GSG1L: variants seen among roughly 807,000 people sequenced by gnomAD.
The protein encoded by GSG1L is GSG1 like.
Under a neutral mutation model 42.1 loss-of-function variants are expected in GSG1L, and 24 were observed. The observed-to-expected ratio is 0.57, with a 90% CI of 0.41 to 0.80. GSG1L has a LOEUF of 0.80. GSG1L is among the 30% of genes least tolerant of loss of function. The pLI is 0.00. For synonymous variants in GSG1L, 215 were observed against 203.5 expected, an observed-to-expected ratio of 1.06 and a Z score of -0.48; for missense variants, 445 against 472.2, an observed-to-expected ratio of 0.94 and a Z score of 0.53.
At chr16:27,881,787 T>G (rs2083959003) in intron 3 of GSG1L, among the ~76,000 whole-genome samples, 1 of 152,100 alleles carries the variant, frequency 6.6e-6, no homozygotes, top group Non-Finnish European at 1.5e-5. Flanking sequence ...CTTGACTCTA[T>G]TTTCCCCTAA....
At chr16:27,986,361 G>A (rs972125217) in intron 1 of GSG1L, among the ~76,000 whole-genome samples, 3 of 151,996 alleles carry the variant, frequency 2.0e-5, no homozygotes, top group South Asian at 2.1e-4. Flanking sequence ...TTAGCTGGAC[G>A]TGGTGGTGTG....
At chr16:27,869,392 CT>C (rs916861175) in intron 3 of GSG1L, among the ~76,000 whole-genome samples, 2 of 151,560 alleles carry the variant, frequency 1.3e-5, no homozygotes, top group Non-Finnish European at 2.9e-5. Context: ...TGTTTGCTCC[CT>C]GTGTCTCTCT....
intron 2 of GSG1L, among the ~76,000 whole-genome samples, chr16:27,908,305 C>T (rs1441506325): frequency 1.3e-5 from 2 of 152,230 alleles, no homozygotes; most frequent in South Asian, 2.1e-4. Context: ...GCAAAACCAT[C>T]GAGCTGATCA....
chr16:28,062,620 G>C (rs980616083), intron 1 of GSG1L, among the ~76,000 whole-genome samples: 1 of 152,194 alleles, frequency 6.6e-6, no homozygotes, highest in African/African-American at 2.4e-5. Context: ...CAGGAGGGGC[G>C]GCTGGTAGCA....
intron 1 of GSG1L, among the ~76,000 whole-genome samples, chr16:28,057,996 A>C (rs1191201475): frequency 6.6e-6 from 1 of 152,212 alleles, no homozygotes; most frequent in Non-Finnish European, 1.5e-5. Context: ...AAAGAGAGGG[A>C]GTGTGATTTC....
At chr16:27,915,831 G>A (rs1258900788) in intron 2 of GSG1L, among the ~76,000 whole-genome samples, 4 of 152,254 alleles carry the variant, frequency 2.6e-5, no homozygotes, top group African/African-American at 4.8e-5. Flanking sequence ...GTCAGGTAGC[G>A]GCAGCCACAG....
At chr16:27,849,770 A>G (rs1444806374) in intron 3 of GSG1L, among the ~76,000 whole-genome samples, 8 of 151,988 alleles carry the variant, frequency 5.3e-5, no homozygotes, top group Non-Finnish European at 7.4e-5. Flanking sequence ...CCTGGCCTCA[A>G]GTGATCCTCC....
In GSG1L at chr16:27,912,826, G is replaced by GA. The variant is rs959164614; in HGVS notation, c.398-28189dup. Among the ~76,000 whole-genome samples, 115 of 151,770 alleles carry GA rather than the reference G, an allele frequency of 7.6e-4. 1 individual carries two copies. The highest frequency in any genetic ancestry group is 2.5e-3 in the African/African-American group (105 of 41,398). The stretch of plus-strand genomic sequence containing the variant: ...TTCATAATGGCACAGTTTGAAATGG[G>GA]AAAAAAAACTGGAAACAACTAAATG... On this transcript the variant is annotated intron_variant, in intron 2 of 6. Transcript: ENST00000447459.
intron 1 of GSG1L, among the ~76,000 whole-genome samples, chr16:28,007,489 T>A (rs2085655291): frequency 1.1e-5 from 1 of 88,276 alleles, no homozygotes; most frequent in South Asian, 3.9e-4. Context: ...GTTGGTTGGT[T>A]GGTTGGTTGG....
rs71140916 is a variant in GSG1L at position 27,874,441 on chromosome 16, C to CTTTTTTTTTTTTTTT, written c.550+10030_550+10044dup. On this transcript the variant is annotated intron_variant, in intron 3 of 6. Coordinates refer to ENST00000447459, the MANE Select transcript of GSG1L (RefSeq NM_001109763.2). ...TCTGGACACTGAAGCACAGGAGAGC[C>CTTTTTTTTTTTTTTT]TTTTTTTTTTTTTTTTTTTTTTTTT... Among the ~76,000 whole-genome samples the CTTTTTTTTTTTTTTT allele has an allele frequency of 7.0e-4, 66 of 94,436 alleles. 7 individuals are homozygous for CTTTTTTTTTTTTTTT. The highest frequency in any genetic ancestry group is 1.3e-3 in the East Asian group (3 of 2,274). 62.0% of individuals were successfully genotyped at this position (94,436 alleles called of 152,430 possible).
At chr16:27,891,575 C>T (rs559302935) in intron 2 of GSG1L, among the ~76,000 whole-genome samples, 198 of 152,182 alleles carry the variant, frequency 1.3e-3, no homozygotes, top group African/African-American at 4.4e-3. Context: ...TGAGCTCAAG[C>T]GATCCTACCG....
At chr16:28,049,861 G>A (rs373239685) in intron 1 of GSG1L, among the ~76,000 whole-genome samples, 9 of 152,230 alleles carry the variant, frequency 5.9e-5, no homozygotes, top group Admixed American at 2.0e-4. Context: ...CCCCAACACC[G>A]TATGCAAAAC....
At chr16:27,922,298 C>T (rs1431650746) in intron 2 of GSG1L, among the ~76,000 whole-genome samples, 1 of 152,164 alleles carries the variant, frequency 6.6e-6, no homozygotes, top group Non-Finnish European at 1.5e-5. Context: ...TTGTCTAATT[C>T]TATTGATCCA....
intron 5 of GSG1L, among the ~76,000 whole-genome samples, chr16:27,816,247 G>A (rs1405950443): frequency 1.3e-5 from 2 of 152,146 alleles, no homozygotes; most frequent in African/African-American, 4.8e-5. Context: ...AGCTGTCGCT[G>A]TCATTGCCTC....
chr16:27,901,667 T>C (rs1330865619), intron 2 of GSG1L, among the ~76,000 whole-genome samples: 2 of 152,246 alleles, frequency 1.3e-5, no homozygotes, highest in African/African-American at 2.4e-5. Context: ...GTCGTTCAGA[T>C]GCACGGGCCA....
At chr16:28,030,071 G>A (rs958843106) in intron 1 of GSG1L, among the ~76,000 whole-genome samples, 1 of 152,212 alleles carries the variant, frequency 6.6e-6, no homozygotes, top group African/African-American at 2.4e-5. Context: ...GGAACTGCTT[G>A]TAAAAGGCAC....
At chr16:27,947,552 A>G (rs921293067) in intron 2 of GSG1L, among the ~76,000 whole-genome samples, 1 of 71,882 alleles carries the variant, frequency 1.4e-5, no homozygotes, top group Non-Finnish European at 3.1e-5. Context: ...AAAGAAAGAA[A>G]GAAAGAAAGA....
intron 2 of GSG1L, among the ~76,000 whole-genome samples, chr16:27,909,433 C>T (rs1273025055): frequency 7.5e-6 from 1 of 133,380 alleles, no homozygotes; most frequent in Non-Finnish European, 1.5e-5. Flanking sequence ...AGCTGAACTG[C>T]AGCGGTGTAG....
intron 2 of GSG1L, among the ~76,000 whole-genome samples, chr16:27,926,017 G>A (rs976658319): frequency 2.2e-4 from 34 of 152,228 alleles, no homozygotes; most frequent in Admixed American, 1.7e-3. Flanking sequence ...TTTGGGAAGC[G>A]TGCTCTGTGA....
Sources: allele counts gnomAD v4.1 joint callset (sites outside exome capture counted in the v4.1 genomes callset), GRCh38; gene constraint gnomAD v4.1.1; transcripts MANE v1.5; gene names NCBI Gene and HGNC (gene_info 2026-07-23, HGNC 2026-07-21).